LIMS1: variants seen among roughly 807,000 people sequenced by gnomAD.
The protein encoded by LIMS1 is LIM and senescent cell antigen-like-containing domain protein 1.
In LIMS1, 18 loss-of-function variants were observed where a neutral mutation model predicts 44.1. The ratio of observed to expected loss-of-function variants is 0.41; its 90% confidence interval spans 0.28 to 0.61. LIMS1 has a LOEUF of 0.61. Among genes scored for constraint, LIMS1 ranks in the 20% least tolerant of loss-of-function variants. The pLI, the probability that LIMS1 is intolerant of heterozygous loss-of-function variation, is 0.32. For synonymous variants in LIMS1, 93 were observed against 149.1 expected, an observed-to-expected ratio of 0.62 and a Z score of 2.74; for missense variants, 201 against 422.0, an observed-to-expected ratio of 0.48 and a Z score of 4.59.
intron 1 of LIMS1, among the ~76,000 whole-genome samples, chr2:108,560,288 A>T (rs998045206): frequency 3.9e-5 from 6 of 152,174 alleles, no homozygotes; most frequent in Non-Finnish European, 5.9e-5. Flanking sequence ...AGATCCTGTC[A>T]GTCTGGTTCA....
intron 1 of LIMS1, among the ~76,000 whole-genome samples, chr2:108,564,408 TGTG>T (rs1429328153): frequency 1.3e-5 from 2 of 152,132 alleles, no homozygotes; most frequent in African/African-American, 4.8e-5. Flanking sequence ...CGCACTCCAT[TGTG>T]GTGGTCTGAA....
At chr2:108,558,572 A>G (rs1685007692) in intron 1 of LIMS1, among the ~76,000 whole-genome samples, 1 of 152,062 alleles carries the variant, frequency 6.6e-6, no homozygotes, top group Admixed American at 6.6e-5. Flanking sequence ...GTCTTTTGTT[A>G]GATGTGAATA....
intron 2 of LIMS1, among the ~76,000 whole-genome samples, chr2:108,666,871 T>A (rs1691796412): frequency 6.6e-6 from 1 of 151,764 alleles, no homozygotes; most frequent in Non-Finnish European, 1.5e-5. Context: ...TAGGGTGAGG[T>A]ATATAGGGGA....
intron 1 of LIMS1, among the ~76,000 whole-genome samples, chr2:108,576,834 C>G (rs1199230944): frequency 6.6e-6 from 1 of 152,132 alleles, no homozygotes; most frequent in African/African-American, 2.4e-5. Context: ...TATCTTGATA[C>G]ATGGCAACAT....
At chr2:108,657,493 C>T (rs1394430754) in intron 1 of LIMS1, among the ~76,000 whole-genome samples, 2 of 152,294 alleles carry the variant, frequency 1.3e-5, no homozygotes, top group East Asian at 3.8e-4. Context: ...GCTTACCGTG[C>T]TCCTTCATCC....
intron 1 of LIMS1, among the ~76,000 whole-genome samples, chr2:108,604,191 T>G (rs1687153139): frequency 6.6e-6 from 1 of 152,222 alleles, no homozygotes; most frequent in Non-Finnish European, 1.5e-5. Flanking sequence ...CCTATTTTTT[T>G]TACAGCGTGT....
chr2:108,673,196 C>A, intron 5 of LIMS1, 167 bp downstream of exon 5: 3 of 1,080,304 alleles, frequency 2.8e-6, no homozygotes, highest in Non-Finnish European at 2.6e-6. Flanking sequence ...AACCTGTATA[C>A]ACTTAATTTC....
At chr2:108,647,800 G>A (rs1020703327) in intron 1 of LIMS1, among the ~76,000 whole-genome samples, 1 of 152,182 alleles carries the variant, frequency 6.6e-6, no homozygotes, top group South Asian at 2.1e-4. Context: ...ACTAGGCATT[G>A]ATGGAATGTA....
At chr2:108,635,617 T>G (rs1347232516) in intron 1 of LIMS1, among the ~76,000 whole-genome samples, 1 of 140,152 alleles carries the variant, frequency 7.1e-6, no homozygotes, top group Non-Finnish European at 1.6e-5. Context: ...AGAGAATTGC[T>G]TGAACCCAGG....
At chr2:108,646,411 A>G (rs942025528) in intron 1 of LIMS1, among the ~76,000 whole-genome samples, 3 of 152,210 alleles carry the variant, frequency 2.0e-5, no homozygotes, top group Non-Finnish European at 2.9e-5. Context: ...GGGCAAAAAT[A>G]AAGATGTTAT....
intron 1 of LIMS1, among the ~76,000 whole-genome samples, chr2:108,634,058 C>G (rs1689078596): frequency 6.6e-6 from 1 of 152,046 alleles, no homozygotes; most frequent in Non-Finnish European, 1.5e-5. Context: ...CTTTGTGGCT[C>G]CAAAGGAAAG....
At chr2:108,656,593 G>T (rs1195675697) in intron 1 of LIMS1, among the ~76,000 whole-genome samples, 1 of 151,066 alleles carries the variant, frequency 6.6e-6, no homozygotes, top group Non-Finnish European at 1.5e-5. Context: ...CTGGTTCAGG[G>T]GGCAGCAAGG....
chr2:108,598,770 C>CT (rs1477247838), intron 1 of LIMS1, among the ~76,000 whole-genome samples: 1 of 152,118 alleles, frequency 6.6e-6, no homozygotes, highest in African/African-American at 2.4e-5. Flanking sequence ...TTGTGTGGGT[C>CT]TTTAAGGTAT....
chr2:108,663,328 C>T (rs1156502466), intron 2 of LIMS1, among the ~76,000 whole-genome samples: 1 of 152,112 alleles, frequency 6.6e-6, no homozygotes, highest in Non-Finnish European at 1.5e-5. Flanking sequence ...TGCCCTGTTG[C>T]CCAGGCTGGT....
chr2:108,636,168 C>T (rs1689235774), intron 1 of LIMS1, among the ~76,000 whole-genome samples: 3 of 152,226 alleles, frequency 2.0e-5, no homozygotes, highest in Non-Finnish European at 2.9e-5. Flanking sequence ...AGCCCTACTC[C>T]GTGCCCGGGG....
At chr2:108,628,460 G>A (rs999445785) in intron 1 of LIMS1, among the ~76,000 whole-genome samples, 1 of 152,158 alleles carries the variant, frequency 6.6e-6, no homozygotes, top group African/African-American at 2.4e-5. Context: ...TTTGTGAATC[G>A]ATAAATGAAT....
chr2:108,656,329 A>C (rs1241769374), intron 1 of LIMS1, among the ~76,000 whole-genome samples: 10 of 151,134 alleles, frequency 6.6e-5, no homozygotes, highest in Admixed American at 2.6e-4. Context: ...ATAGATAGAT[A>C]GATAGATAGA....
chr2:108,579,000 G>A (rs1255282298), intron 1 of LIMS1, among the ~76,000 whole-genome samples: 1 of 152,110 alleles, frequency 6.6e-6, no homozygotes, highest in South Asian at 2.1e-4. Flanking sequence ...TTTCAGGTTA[G>A]CATCCTGGAT....
intron 1 of LIMS1, among the ~76,000 whole-genome samples, chr2:108,536,706 A>G (rs1684154499): frequency 6.6e-6 from 1 of 151,952 alleles, no homozygotes. Context: ...TCAGTCCCCC[A>G]AGTAGCTGGG....
Sources: allele counts gnomAD v4.1 joint callset (sites outside exome capture counted in the v4.1 genomes callset), GRCh38; gene constraint gnomAD v4.1.1; transcripts MANE v1.5; gene names NCBI Gene and HGNC (gene_info 2026-07-23, HGNC 2026-07-21).